CHCHD6: variants seen among roughly 807,000 people sequenced by gnomAD.
CHCHD6 encodes MICOS complex subunit MIC25.
In CHCHD6, 28 loss-of-function variants were observed where a neutral mutation model predicts 32.3. The observed-to-expected ratio is 0.87, with a 90% CI of 0.64 to 1.19. The LOEUF is 1.19. Among genes scored for constraint, CHCHD6 ranks in the 50% most tolerant of loss-of-function variants. The probability of loss-of-function intolerance (pLI) is 0.00; values close to 1 mark genes in which losing one functional copy is unlikely to be tolerated. For missense variants in CHCHD6, 333 were observed against 307.0 expected (o/e 1.08, Z -0.63); for synonymous variants, 122 against 117.5 (o/e 1.04, Z -0.25).
intron 6 of CHCHD6, among the ~76,000 whole-genome samples, chr3:126,947,640 A>C (rs1288721454): frequency 6.6e-6 from 1 of 152,296 alleles, no homozygotes; most frequent in Admixed American, 6.5e-5. Context: ...CCCAGCTCAC[A>C]GGGTTGTTGT....
At chr3:126,707,288 G>A (rs1371615991) in intron 1 of CHCHD6, among the ~76,000 whole-genome samples, 2 of 151,626 alleles carry the variant, frequency 1.3e-5, no homozygotes, top group South Asian at 2.1e-4. Context: ...AAGATTAAGT[G>A]CTAGGCCTTG....
chr3:126,833,971 G>A (rs1940746864), intron 4 of CHCHD6, among the ~76,000 whole-genome samples: 4 of 143,234 alleles, frequency 2.8e-5, no homozygotes, highest in East Asian at 2.1e-4. Context: ...GGAGAATGGC[G>A]TGAACCCGGG....
intron 4 of CHCHD6, among the ~76,000 whole-genome samples, chr3:126,825,677 C>T (rs1025979122): frequency 6.6e-6 from 1 of 152,160 alleles, no homozygotes; most frequent in Non-Finnish European, 1.5e-5. Flanking sequence ...TACTTCTTCC[C>T]TTAAAGTCTA....
intron 5 of CHCHD6, among the ~76,000 whole-genome samples, chr3:126,864,629 T>C (rs1216516872): frequency 7.4e-6 from 1 of 134,910 alleles, no homozygotes; most frequent in African/African-American, 2.9e-5. Context: ...CTCCTTCTCC[T>C]CCACCACCAT....
chr3:126,749,568 A>G (rs1936642815), intron 4 of CHCHD6, among the ~76,000 whole-genome samples: 1 of 152,194 alleles, frequency 6.6e-6, no homozygotes, highest in South Asian at 2.1e-4. Flanking sequence ...CCCCAGATAC[A>G]GTAGCATAAA....
intron 4 of CHCHD6, among the ~76,000 whole-genome samples, chr3:126,852,217 C>T (rs774764022): frequency 3.9e-5 from 6 of 152,200 alleles, no homozygotes; most frequent in Admixed American, 6.5e-5. Flanking sequence ...CGGCCGGACA[C>T]ACCTGCATTG....
chr3:126,912,489 C>T (rs981582360), intron 5 of CHCHD6, among the ~76,000 whole-genome samples: 2 of 152,224 alleles, frequency 1.3e-5, no homozygotes, highest in East Asian at 1.9e-4. Flanking sequence ...GTATTTATTT[C>T]GTGCCTGTCG....
chr3:126,881,412 C>T (rs1175974597), intron 5 of CHCHD6, among the ~76,000 whole-genome samples: 1 of 152,202 alleles, frequency 6.6e-6, no homozygotes, highest in African/African-American at 2.4e-5. Context: ...ACATGCTGAG[C>T]GCAGCTTCTC....
intron 5 of CHCHD6, 46 bp from the exon 6 acceptor site, chr3:126,914,634 G>C (rs1197010521): frequency 9.5e-7 from 1 of 1,051,530 alleles, no homozygotes; most frequent in Non-Finnish European, 1.5e-6. Flanking sequence ...AGAGAGCAGA[G>C]GGAAATTTCA....
intron 3 of CHCHD6, among the ~76,000 whole-genome samples, chr3:126,732,303 C>T (rs765939771): frequency 6.6e-6 from 1 of 152,062 alleles, no homozygotes; most frequent in African/African-American, 2.4e-5. Flanking sequence ...CCTCACCCCC[C>T]GTTTAGGGTT....
chr3:126,745,009 G>A (rs1402409336), intron 4 of CHCHD6, among the ~76,000 whole-genome samples: 1 of 152,190 alleles, frequency 6.6e-6, no homozygotes, highest in Non-Finnish European at 1.5e-5. Flanking sequence ...CAGGAAGAAG[G>A]AAGGGCTGAG....
chr3:126,939,830 C>T (rs781240921), intron 6 of CHCHD6, among the ~76,000 whole-genome samples: 1 of 152,190 alleles, frequency 6.6e-6, no homozygotes. Flanking sequence ...AAAAAATATT[C>T]GTTGAGTTCC....
intron 4 of CHCHD6, among the ~76,000 whole-genome samples, chr3:126,797,048 A>G (rs1174695741): frequency 6.6e-6 from 1 of 152,154 alleles, no homozygotes; most frequent in East Asian, 1.9e-4. Context: ...TAGATGGATG[A>G]ACCGCATCTG....
intron 5 of CHCHD6, 63 bp downstream of exon 5, chr3:126,852,793 A>C: frequency 9.0e-7 from 1 of 1,113,442 alleles, no homozygotes; most frequent in Non-Finnish European, 1.4e-6. Flanking sequence ...ACCAGAACAC[A>C]TCACTGTCAT....
chr3:126,739,697 A>T (rs1936206981), intron 4 of CHCHD6, among the ~76,000 whole-genome samples: 1 of 151,998 alleles, frequency 6.6e-6, no homozygotes, highest in African/African-American at 2.4e-5. Flanking sequence ...CTTCTACTTT[A>T]ATTCCTGGTT....
At chr3:126,947,129 G>A (rs538611337) in intron 6 of CHCHD6, among the ~76,000 whole-genome samples, 5 of 152,394 alleles carry the variant, frequency 3.3e-5, no homozygotes, top group South Asian at 2.1e-4. Context: ...AGTGCCCGCC[G>A]TCATGGGAAC....
rs879298906 is a variant in CHCHD6 at position 126,864,964 on chromosome 3, A to ATCT, written c.495+12234_495+12235insTCT. Among the ~76,000 whole-genome samples the ATCT allele has an allele frequency of 4.9e-3, 626 of 127,074 alleles. 5 individuals are homozygous for ATCT. The highest frequency in any genetic ancestry group is 7.3e-3 in the Non-Finnish European group (458 of 62,806). The allele number at this position is 127,074 out of a possible 152,430, so 83.4% of individuals were successfully genotyped here. A position where few individuals can be genotyped will look rare whatever the true frequency, so the allele number is the denominator to read the frequency against. ...CTCCACCATCATCTCCTCCTCCATCACCACCTCCATCATCACCACTACCAC... is the reference window on the plus strand; with the variant it reads ...CTCCACCATCATCTCCTCCTCCATCATCTCCACCTCCATCATCACCACTACCAC... On this transcript the variant is annotated intron_variant, in intron 5 of 7. Transcript: ENST00000290913.
intron 6 of CHCHD6, among the ~76,000 whole-genome samples, chr3:126,930,628 CTTG>C (rs2078390354): frequency 6.6e-6 from 1 of 152,238 alleles, no homozygotes; most frequent in South Asian, 2.1e-4. Context: ...GTGCCTCTCA[CTTG>C]TTGTGTGGAG....
intron 4 of CHCHD6, among the ~76,000 whole-genome samples, chr3:126,735,338 C>A (rs1462491387): frequency 6.6e-6 from 1 of 152,228 alleles, no homozygotes; most frequent in African/African-American, 2.4e-5. Flanking sequence ...TTCCCATCCC[C>A]CTCAGGTCTC....
Sources: gnomAD v4.1 joint callset for allele counts (sites outside exome capture counted in the v4.1 genomes callset) on GRCh38, gnomAD v4.1.1 for gene constraint, MANE v1.5 for transcripts, NCBI Gene and HGNC (gene_info 2026-07-23, HGNC 2026-07-21) for gene names.